The following NUP188 variants were observed in gnomAD, a reference collection of about 807,000 sequenced individuals.
The protein encoded by NUP188 is nucleoporin 188, also known as nucleoporin NUP188.
Under a neutral mutation model 223.0 loss-of-function variants are expected in NUP188, and 97 were observed. The ratio of observed to expected loss-of-function variants is 0.43; its 90% CI spans 0.37 to 0.51. NUP188 has a LOEUF of 0.51. Ranked by LOEUF, NUP188 falls within the 20% of genes least tolerant of loss-of-function variation. The pLI is 0.00. For synonymous variants in NUP188, 869 were observed against 828.0 expected, an observed-to-expected ratio of 1.05 and a Z score of -0.85; for missense variants, 1,947 against 2,175.6, an observed-to-expected ratio of 0.89 and a Z score of 2.09.
chr9:128,984,423 G>T (rs1337456945), intron 19 of NUP188, among the ~76,000 whole-genome samples: 3 of 152,160 alleles, frequency 2.0e-5, no homozygotes, highest in Non-Finnish European at 4.4e-5. Flanking sequence ...ATGGTGCCCG[G>T]CCGAGAGCAA....
At chr9:128,987,761 C>A in intron 23 of NUP188, 44 bp downstream of exon 23, 1 of 1,594,818 alleles carries the variant, frequency 6.3e-7, no homozygotes, top group Non-Finnish European at 8.5e-7. Context: ...CTTTATTGTG[C>A]CTGCATGTTA....
At chr9:128,981,912 TACTAAAAATATAAA>T (rs1480498375) in intron 15 of NUP188, among the ~76,000 whole-genome samples, 1 of 151,996 alleles carries the variant, frequency 6.6e-6, no homozygotes, top group East Asian at 1.9e-4. Context: ...ACCCCGTCTC[TACTAAAAATATAAA>T]ATTAGTCGGG....
rs752422237 is a variant in NUP188 at position 128,999,584 on chromosome 9, C to T, written c.3662-40C>T. The T allele has an allele frequency of 3.1e-6, 5 of 1,594,750 alleles. No homozygotes were observed. In the Admixed American group the frequency reaches 6.7e-5, roughly 21 times the overall value. ...ACCTTGGTGTACAGTGAGAGTTGGC[C>T]TGGTGAGCATGACAGTGTCCCTCCC... On this transcript the variant is annotated intron_variant, in intron 33 of 43. Transcript: ENST00000372577.
chr9:128,979,334 A>G lies in NUP188; in HGVS notation c.1269+7A>G. The G allele has an allele frequency of 6.2e-7, 1 of 1,603,150 alleles. No homozygotes were observed. On this transcript the variant is annotated splice_region_variant and intron_variant, in intron 13 of 43. Coordinates refer to ENST00000372577, the MANE Select transcript of NUP188 (RefSeq NM_015354.3). ...GGAACTGTTCTGGGGAACAGTAAGT[A>G]TGTCAGAGAGAGTCACTGCATAGCA...
In NUP188 at chr9:128,973,235, C is replaced by T. The variant is rs1297431843; in HGVS notation, c.1189C>T (p.Leu397=). The T allele has an allele frequency of 1.2e-6, 2 of 1,612,864 alleles. No homozygotes were observed. Among genetic ancestry groups the T allele is most frequent in the Non-Finnish European group, 1.7e-6 (2 of 1,179,756 alleles). Reference sequence around the variant, plus strand: ...TCTGACCTCGTTGGAGCTGCACACCCTGGGCAATCAGCAGGTCAGTGTCTG... The same window carrying T: ...TCTGACCTCGTTGGAGCTGCACACCTTGGGCAATCAGCAGGTCAGTGTCTG... ...FVLTSLELHT[L]GNQQDIIDTA... is the part of the protein sequence containing the mutation. The change falls in exon 12 of 44, where the codon CTG becomes TTG. Residue 397 remains leucine, a synonymous_variant. Transcript: ENST00000372577.
At chr9:129,003,542 T>A in intron 38 of NUP188, 88 bp downstream of exon 38, 1 of 1,432,690 alleles carries the variant, frequency 7.0e-7, no homozygotes, top group Non-Finnish European at 9.7e-7. Flanking sequence ...TCCTAGTGAA[T>A]TGCAGGATGT....
In NUP188 at chr9:128,991,017, C is replaced by T. The variant is rs948667031; in HGVS notation, c.2640+791C>T. 3.3e-5 allele frequency among the ~76,000 whole-genome samples: 5 copies of T among 151,918 alleles called. No individual in the cohort carries two copies. The East Asian group carries it at 9.7e-4, about 29-fold the overall frequency. On this transcript the variant is annotated intron_variant, in intron 25 of 43. Coordinates refer to ENST00000372577, the MANE Select transcript of NUP188 (RefSeq NM_015354.3). Reference sequence around the variant, plus strand: ...TGGGCGACAGAGCGAGACTCCGTCTCAAGATAAAAGGAGAAAAAAGACATG... The same window carrying T: ...TGGGCGACAGAGCGAGACTCCGTCTTAAGATAAAAGGAGAAAAAAGACATG...
chr9:128,961,940 C>G (rs1259158543), intron 8 of NUP188, among the ~76,000 whole-genome samples: 1 of 106,738 alleles, frequency 9.4e-6, no homozygotes, highest in Admixed American at 9.6e-5. Context: ...ATACCATACT[C>G]TTTTTTTTTT....
intron 19 of NUP188, among the ~76,000 whole-genome samples, chr9:128,984,171 G>A (rs1387533651): frequency 7.5e-5 from 10 of 133,498 alleles, no homozygotes; most frequent in African/African-American, 2.4e-4. Context: ...TTGTTGCCCC[G>A]GCTGGAGTGC....
intron 30 of NUP188, 134 bp downstream of exon 30, chr9:128,995,648 C>A (rs972426573): frequency 1.3e-6 from 1 of 759,680 alleles, no homozygotes; most frequent in South Asian, 1.8e-5. Context: ...GTAATAGGTT[C>A]TATGCTGAGA....
intron 2 of NUP188, among the ~76,000 whole-genome samples, chr9:128,950,419 C>T (rs1841766281): frequency 6.6e-6 from 1 of 152,150 alleles, no homozygotes; most frequent in Non-Finnish European, 1.5e-5. Flanking sequence ...TGGGGTTTCA[C>T]CATGTTGGCC....
At chr9:128,981,991 C>T (rs928455842) in intron 15 of NUP188, among the ~76,000 whole-genome samples, 3 of 151,776 alleles carry the variant, frequency 2.0e-5, no homozygotes, top group Admixed American at 6.6e-5. Flanking sequence ...ACAGGAGAAT[C>T]GTTTGAACTT....
intron 11 of NUP188, 35 bp downstream of exon 11, chr9:128,970,993 T>C (rs773270645): frequency 2.0e-6 from 3 of 1,512,238 alleles, no homozygotes; most frequent in Non-Finnish European, 2.8e-6. Flanking sequence ...AGCATGGGAG[T>C]GAGCCGGCAG....
chr9:129,006,323 C>T lies in NUP188; in HGVS notation c.5028C>T (p.His1676=). The T allele has an allele frequency of 6.2e-7, 1 of 1,614,172 alleles. No homozygotes were observed. Among genetic ancestry groups the T allele is most frequent in the Non-Finnish European group, 8.5e-7 (1 of 1,180,034 alleles). The stretch of plus-strand genomic sequence containing the variant: ...GGTACCTTAGGGACCCGGCTGTGCA[C>T]CCCCGGGACAAACAGCGGATGAAGC... ...AMRYLRDPAV[H]PRDKQRMKQE... Residue 1676 remains histidine, a synonymous_variant, in exon 43 of 44, where the codon CAC becomes CAT. Coordinates refer to ENST00000372577, the MANE Select transcript of NUP188 (RefSeq NM_015354.3).
At chr9:128,964,730 C>T (rs535197101) in intron 8 of NUP188, among the ~76,000 whole-genome samples, 62 of 139,662 alleles carry the variant, frequency 4.4e-4, no homozygotes, top group Non-Finnish European at 3.5e-4. Flanking sequence ...TTTTTTGAGA[C>T]GCTCTCACTC....
intron 40 of NUP188, 45 bp from the exon 41 acceptor site, chr9:129,005,600 T>C: frequency 6.2e-7 from 1 of 1,611,480 alleles, no homozygotes; most frequent in Non-Finnish European, 8.5e-7. Context: ...GAGAGCTACC[T>C]GGGGCCTTAA....
intron 12 of NUP188, among the ~76,000 whole-genome samples, chr9:128,977,538 A>C (rs1292394720): frequency 2.0e-5 from 3 of 151,658 alleles, no homozygotes; most frequent in Admixed American, 2.0e-4. Flanking sequence ...GGCCAGGCAC[A>C]GTGGCTCATG....
chr9:129,000,866 G>C (rs1043106480), intron 34 of NUP188, among the ~76,000 whole-genome samples: 1 of 151,542 alleles, frequency 6.6e-6, no homozygotes, highest in Non-Finnish European at 1.5e-5. Flanking sequence ...GTGAAACCCT[G>C]TCTCTATGAA....
intron 25 of NUP188, 26 bp downstream of exon 25, chr9:128,990,252 ACT>A: frequency 6.5e-7 from 1 of 1,545,618 alleles, no homozygotes; most frequent in Non-Finnish European, 8.9e-7. Flanking sequence ...ATGCACACAC[ACT>A]GTTTATATGA....
Sources: allele counts gnomAD v4.1 joint callset (sites outside exome capture counted in the v4.1 genomes callset), GRCh38; gene constraint gnomAD v4.1.1; transcripts MANE v1.5; gene names NCBI Gene and HGNC (gene_info 2026-07-23, HGNC 2026-07-21).